The following CHN2 variants were observed in gnomAD, a reference collection of about 807,000 sequenced individuals.
CHN2 encodes the protein chimerin 2.
CHN2 carries 35 observed loss-of-function variants against 56.3 expected under a neutral mutation model. The observed-to-expected ratio is 0.62, with a 90% CI of 0.47 to 0.82. The LOEUF is 0.82. Ranked by LOEUF, CHN2 falls within the 40% of genes least tolerant of loss-of-function variation. CHN2 has a pLI of 0.00. For missense variants in CHN2, 491 were observed against 580.5 expected (o/e 0.85, Z 1.58); for synonymous variants, 210 against 212.8 (o/e 0.99, Z 0.12).
At chr7:29,500,426 G>T (rs1789843191) in intron 9 of CHN2, among the ~76,000 whole-genome samples, 1 of 152,126 alleles carries the variant, frequency 6.6e-6, no homozygotes, top group South Asian at 2.1e-4. Flanking sequence ...AGGAGTTCAA[G>T]ACCAGCATGG....
At chr7:29,243,050 T>G (rs1371736716) in intron 1 of CHN2, among the ~76,000 whole-genome samples, 1 of 152,160 alleles carries the variant, frequency 6.6e-6, no homozygotes, top group Non-Finnish European at 1.5e-5. Context: ...AAATTTTTAA[T>G]GGACATATTT....
In CHN2 at chr7:29,248,296, C is replaced by T. The variant is rs113240751; in HGVS notation, c.49+53306C>T. On this transcript the variant is annotated intron_variant, in intron 1 of 12. Coordinates refer to ENST00000222792, the MANE Select transcript of CHN2 (RefSeq NM_004067.4). ...GACCTGAGCTCTAGACTGGCAGCCA[C>T]ATGGGACACTGGTTCTTGCAGTCAG... 3.5e-3 allele frequency among the ~76,000 whole-genome samples: 536 copies of T among 152,352 alleles called. 3 individuals are homozygous for T. Among genetic ancestry groups the T allele is most frequent in the African/African-American group, 0.012 (504 of 41,580 alleles).
In CHN2 at chr7:29,444,324, A is replaced by G. The variant is rs57151500; in HGVS notation, c.577-35955A>G. 9.2e-3 allele frequency among the ~76,000 whole-genome samples: 1,404 copies of G among 152,270 alleles called. 24 individuals carry two copies. Among genetic ancestry groups the G allele is most frequent in the African/African-American group, 0.032 (1,344 of 41,542 alleles). On this transcript the variant is annotated intron_variant, in intron 6 of 12. Coordinates refer to ENST00000222792, the MANE Select transcript of CHN2 (RefSeq NM_004067.4). ...TTACCCCAAAATGTAGTGACTTTAA[A>G]CACCAAGAAGCATTTGCCGATGATT...
At chr7:29,371,613 T>G (rs1799623664) in intron 3 of CHN2, among the ~76,000 whole-genome samples, 1 of 152,118 alleles carries the variant, frequency 6.6e-6, no homozygotes. Flanking sequence ...CAAATTTGTT[T>G]CTCTAGCCAA....
At chr7:29,295,586 A>AG (rs1473075453) in intron 1 of CHN2, among the ~76,000 whole-genome samples, 1 of 152,140 alleles carries the variant, frequency 6.6e-6, no homozygotes, top group East Asian at 1.9e-4. Context: ...TTTAAAAAAA[A>AG]AAAAAATTAA....
At chr7:29,478,677 C>T (rs566252911) in intron 6 of CHN2, among the ~76,000 whole-genome samples, 31 of 152,298 alleles carry the variant, frequency 2.0e-4, no homozygotes, top group Non-Finnish European at 3.5e-4. Flanking sequence ...CAGTGCCTTG[C>T]TCTCTTCATC....
intron 6 of CHN2, among the ~76,000 whole-genome samples, chr7:29,435,942 G>A (rs943389813): frequency 2.0e-5 from 3 of 150,176 alleles, no homozygotes; most frequent in Non-Finnish European, 4.4e-5. Flanking sequence ...GAGAAGGGGT[G>A]AAAGTTGGAT....
intron 1 of CHN2, among the ~76,000 whole-genome samples, chr7:29,248,141 A>T (rs183861779): frequency 1.3e-5 from 2 of 152,336 alleles, no homozygotes; most frequent in East Asian, 3.9e-4. Flanking sequence ...GTTGCAGGTG[A>T]TGGGAACAAG....
chr7:29,358,068 T>C (rs1438392128), intron 2 of CHN2, among the ~76,000 whole-genome samples: 1 of 152,218 alleles, frequency 6.6e-6, no homozygotes, highest in African/African-American at 2.4e-5. Context: ...GACAGTATAT[T>C]TTTGCCATAG....
intron 1 of CHN2, among the ~76,000 whole-genome samples, chr7:29,294,240 G>C (rs1411743759): frequency 6.6e-6 from 1 of 152,034 alleles, no homozygotes; most frequent in African/African-American, 2.4e-5. Flanking sequence ...GTATGTGATG[G>C]GTGCATAATA....
chr7:29,368,812 T>C (rs1436064389), intron 3 of CHN2, among the ~76,000 whole-genome samples: 1 of 152,150 alleles, frequency 6.6e-6, no homozygotes, highest in African/African-American at 2.4e-5. Context: ...CAAGTTATCA[T>C]GGTTTAATAC....
chr7:29,487,553 T>C (rs1420859761), intron 7 of CHN2, among the ~76,000 whole-genome samples: 1 of 152,134 alleles, frequency 6.6e-6, no homozygotes, highest in Non-Finnish European at 1.5e-5. Flanking sequence ...CAGGATGGTC[T>C]CATAAAGCCT....
intron 1 of CHN2, among the ~76,000 whole-genome samples, chr7:29,300,236 G>C (rs1305584879): frequency 6.6e-6 from 1 of 152,132 alleles, no homozygotes; most frequent in African/African-American, 2.4e-5. Flanking sequence ...CAGAGTGTAG[G>C]ATGAGGGAAC....
At position 29,337,489 on chromosome 7, in the gene CHN2, G is replaced by A. The variant is rs779731952; in HGVS notation, c.50-17136G>A. ...TCATAACAGCAGAGTGCGGAGAGGG[G>A]GTCTATTCTTCTCACTCTGTTATGT... On this transcript the variant is annotated intron_variant, in intron 1 of 12. Transcript: ENST00000222792. Among the ~76,000 whole-genome samples the A allele has an allele frequency of 6.6e-5, 10 of 152,184 alleles. 1 individual carries two copies. The South Asian group carries it at 1.2e-3, about 19-fold the overall frequency.
chr7:29,487,207 T>G (rs1446511878), intron 7 of CHN2, among the ~76,000 whole-genome samples: 1 of 33,222 alleles, frequency 3.0e-5, no homozygotes, highest in East Asian at 2.4e-3. Flanking sequence ...GCTTGTTTTG[T>G]TTTTTTTTTG....
intron 9 of CHN2, among the ~76,000 whole-genome samples, chr7:29,503,462 A>AC (rs1790199501): frequency 6.6e-6 from 1 of 152,202 alleles, no homozygotes; most frequent in Non-Finnish European, 1.5e-5. Context: ...ATATGCACCA[A>AC]CATCTTAGAA....
chr7:29,307,375 GA>G (rs1562906135), intron 1 of CHN2, among the ~76,000 whole-genome samples: 1 of 152,202 alleles, frequency 6.6e-6, no homozygotes, highest in Non-Finnish European at 1.5e-5. Context: ...TGGTGAGTAT[GA>G]TTAGTCAACA....
At chr7:29,450,029 G>C (rs556658898) in intron 6 of CHN2, among the ~76,000 whole-genome samples, 2 of 152,274 alleles carry the variant, frequency 1.3e-5, no homozygotes, top group African/African-American at 4.8e-5. Flanking sequence ...TTCCCTAGGG[G>C]ATGTGGTACA....
intron 9 of CHN2, among the ~76,000 whole-genome samples, chr7:29,501,983 C>A (rs1441378357): frequency 6.6e-6 from 1 of 152,162 alleles, no homozygotes; most frequent in Non-Finnish European, 1.5e-5. Flanking sequence ...ATGGAATCAA[C>A]TGTACCTCAT....
Sources: gnomAD v4.1 joint callset for allele counts (sites outside exome capture counted in the v4.1 genomes callset) on GRCh38, gnomAD v4.1.1 for gene constraint, MANE v1.5 for transcripts, NCBI Gene and HGNC (gene_info 2026-07-23, HGNC 2026-07-21) for gene names.